PEX7: variants seen among roughly 807,000 people sequenced by gnomAD.
PEX7 encodes peroxisomal biogenesis factor 7, also known as PTS2 receptor.
In PEX7, 34 loss-of-function variants were observed where a neutral mutation model predicts 47.5. The ratio of observed to expected loss-of-function variants is 0.72; its 90% CI spans 0.54 to 0.95. The LOEUF is 0.95. Ranked by LOEUF, PEX7 falls within the 40% of genes least tolerant of loss-of-function variation. The pLI is 0.00. For synonymous variants in PEX7, 141 were observed against 148.8 expected (o/e 0.95, Z 0.38); for missense variants, 394 against 400.3 (o/e 0.98, Z 0.13).
chr6:136,835,117 G>A (rs1030268773), intron 3 of PEX7, among the ~76,000 whole-genome samples: 13 of 151,788 alleles, frequency 8.6e-5, no homozygotes, highest in Admixed American at 6.6e-5. Flanking sequence ...TAGAGATGGG[G>A]TTTCAACGTG....
At chr6:136,911,398 G>A (rs112888901) in intron 9 of PEX7, among the ~76,000 whole-genome samples, 13 of 152,018 alleles carry the variant, frequency 8.6e-5, no homozygotes, top group African/African-American at 2.4e-4. Context: ...TTGTTAGTGG[G>A]TATTTTGGTT....
rs184948962 is a variant in PEX7 at position 136,865,958 on chromosome 6, C to A, written c.527-669C>A. The stretch of plus-strand genomic sequence containing the variant: ...ATTAGCTGGGCGTGGTGGTGTGCAC[C>A]TGTAGTCCTGGCTACTCGGGAGGCT... On this transcript the variant is annotated intron_variant, in intron 5 of 9. Transcript: ENST00000318471. Among the ~76,000 whole-genome samples, 320 of 152,150 alleles carry A rather than the reference C, an allele frequency of 2.1e-3. 1 individual carries two copies. Among genetic ancestry groups the A allele is most frequent in the Non-Finnish European group, 3.6e-3 (246 of 67,998 alleles).
intron 7 of PEX7, 60 bp from the exon 8 acceptor site, chr6:136,872,138 G>A: frequency 7.7e-7 from 1 of 1,304,788 alleles, no homozygotes; most frequent in Non-Finnish European, 1.1e-6. Context: ...ATCATAGAAA[G>A]CAGTGTTATA....
chr6:136,847,663 G>A (rs538279352), intron 5 of PEX7, among the ~76,000 whole-genome samples: 150 of 152,014 alleles, frequency 9.9e-4, no homozygotes, highest in African/African-American at 3.5e-3. Context: ...GTAGATATGC[G>A]GCATTATTTC....
At chr6:136,872,004 G>A (rs1318586853) in intron 7 of PEX7, among the ~76,000 whole-genome samples, 194 bp from the exon 8 acceptor site, 1 of 152,044 alleles carries the variant, frequency 6.6e-6, no homozygotes, top group African/African-American at 2.4e-5. Flanking sequence ...TATTTTTCCT[G>A]AAGATGGATA....
intron 8 of PEX7, among the ~76,000 whole-genome samples, chr6:136,879,659 A>G (rs1341654321): frequency 6.6e-6 from 1 of 151,998 alleles, no homozygotes; most frequent in Non-Finnish European, 1.5e-5. Flanking sequence ...GTCTTCTTTT[A>G]TTCCTAGAAA....
chr6:136,845,787 T>C, intron 4 of PEX7, 95 bp downstream of exon 4: 1 of 843,816 alleles, frequency 1.2e-6, no homozygotes, highest in Middle Eastern at 2.2e-4. Context: ...TCTGTAGCTC[T>C]ATGATTCGAC....
intron 7 of PEX7, among the ~76,000 whole-genome samples, chr6:136,871,601 G>A (rs760898045): frequency 3.3e-5 from 5 of 151,700 alleles, no homozygotes; most frequent in Admixed American, 6.6e-5. Flanking sequence ...CTCTGTCGCC[G>A]GGGCTGGAGT....
At chr6:136,877,390 A>G (rs1775294920) in intron 8 of PEX7, among the ~76,000 whole-genome samples, 1 of 152,142 alleles carries the variant, frequency 6.6e-6, no homozygotes, top group African/African-American at 2.4e-5. Flanking sequence ...GTCTTTGCCC[A>G]TGCCTATGTC....
chr6:136,887,755 T>G (rs572655403), intron 8 of PEX7, among the ~76,000 whole-genome samples: 2 of 152,326 alleles, frequency 1.3e-5, no homozygotes, highest in Admixed American at 6.5e-5. Flanking sequence ...AAAAGCAAAC[T>G]GTATTTACTC....
At chr6:136,877,723 A>G (rs553956373) in intron 8 of PEX7, among the ~76,000 whole-genome samples, 5 of 152,272 alleles carry the variant, frequency 3.3e-5, no homozygotes, top group African/African-American at 1.2e-4. Context: ...GTAGCCTTGT[A>G]GTATACTTTG....
At chr6:136,841,635 T>G (rs903343996) in intron 3 of PEX7, among the ~76,000 whole-genome samples, 1 of 152,230 alleles carries the variant, frequency 6.6e-6, no homozygotes, top group Non-Finnish European at 1.5e-5. Flanking sequence ...TGGAATGCAG[T>G]GGCGTGATCA....
At position 136,909,842 on chromosome 6, in the gene PEX7, G is replaced by A. The variant is rs533675626; in HGVS notation, c.904-3616G>A. On this transcript the variant is annotated intron_variant, in intron 9 of 9. Transcript: ENST00000318471. ...AATAAATAAGAAGCTGGATTGGAGA[G>A]TGCCGAATAAGGTTTCAGAAACATA... Among the ~76,000 whole-genome samples, 14 of 152,250 alleles carry A rather than the reference G, an allele frequency of 9.2e-5. No individual in the cohort carries two copies. The South Asian group carries it at 2.7e-3, about 29-fold the overall frequency.
At chr6:136,840,841 C>T (rs1774484001) in intron 3 of PEX7, among the ~76,000 whole-genome samples, 1 of 152,170 alleles carries the variant, frequency 6.6e-6, no homozygotes, top group African/African-American at 2.4e-5. Flanking sequence ...AGCCTTTCAT[C>T]TCGGGTCTGC....
intron 5 of PEX7, among the ~76,000 whole-genome samples, chr6:136,859,660 G>A (rs977067461): frequency 2.6e-5 from 4 of 151,964 alleles, no homozygotes; most frequent in Non-Finnish European, 4.4e-5. Context: ...CAACTTCCTC[G>A]TACCTGCTGC....
At chr6:136,837,376 G>A (rs201195400) in intron 3 of PEX7, among the ~76,000 whole-genome samples, 846 of 77,932 alleles carry the variant, frequency 0.011, 9 homozygotes, top group African/African-American at 0.013. Flanking sequence ...AAAAAAAAAA[G>A]AAACTGAAAG....
chr6:136,874,038 T>C (rs1171357419), intron 8 of PEX7, among the ~76,000 whole-genome samples: 1 of 152,228 alleles, frequency 6.6e-6, no homozygotes, highest in Non-Finnish European at 1.5e-5. Flanking sequence ...TATTTAAAGC[T>C]TTTGCGTCAA....
rs773249297 is a variant in PEX7 at position 136,839,784 on chromosome 6, A to C, written c.340-5831A>C. The stretch of plus-strand genomic sequence containing the variant: ...CATTCCAGAAACTTTTATTAACTCT[A>C]CTGTGTGCAAGATACTGTACCAGGC... On this transcript the variant is annotated intron_variant, in intron 3 of 9. Transcript: ENST00000318471. 2.9e-4 allele frequency among the ~76,000 whole-genome samples: 44 copies of C among 152,292 alleles called. 1 individual carries two copies. The highest frequency in any genetic ancestry group is 5.7e-4 in the Non-Finnish European group (39 of 68,016).
chr6:136,900,584 G>T lies in PEX7; in HGVS notation c.903+2343G>T. ...ATCTGTGTGAAGGTGATGGTGGTGT[G>T]GGTCATCCTGTGAACCAGTCTTGCC... On this transcript the variant is annotated intron_variant, in intron 9 of 9. Transcript: ENST00000318471. The surrounding 1 kb of genome is among the most constrained non-coding windows in gnomAD (Gnocchi z 4.2). 2.6e-6 allele frequency: 1 copy of T among 384,368 alleles called. No individual in the cohort carries two copies. The highest frequency in any genetic ancestry group is 2.1e-5 in the African/African-American group (1 of 47,482). 23.8% of individuals were successfully genotyped at this position (384,368 alleles called of 1,614,324 possible).
Sources: gnomAD v4.1 joint callset for allele counts (sites outside exome capture counted in the v4.1 genomes callset) on GRCh38, gnomAD v4.1.1 for gene constraint, Gnocchi (gnomAD v3.1) non-coding constraint, MANE v1.5 for transcripts, NCBI Gene and HGNC (gene_info 2026-07-23, HGNC 2026-07-21) for gene names.